Variants in ST3GAL6 observed in about 807,000 individuals in gnomAD.
The protein encoded by ST3GAL6 is type 2 lactosamine alpha-2,3-sialyltransferase.
In ST3GAL6, 31 loss-of-function variants were observed where a neutral mutation model predicts 40.5. The observed-to-expected ratio is 0.77, with a 90% CI of 0.58 to 1.03. The LOEUF (loss-of-function observed/expected upper bound fraction) is 1.03. ST3GAL6 is among the 50% of genes least tolerant of loss of function. The pLI is 0.00. For missense variants in ST3GAL6, 357 were observed against 393.2 expected, an observed-to-expected ratio of 0.91 and a Z score of 0.78; for synonymous variants, 129 against 136.9, an observed-to-expected ratio of 0.94 and a Z score of 0.40.
intron 6 of ST3GAL6, among the ~76,000 whole-genome samples, chr3:98,786,348 C>G (rs535927912): frequency 6.6e-6 from 1 of 152,062 alleles, no homozygotes; most frequent in Non-Finnish European, 1.5e-5. Context: ...AGAAGAAAAT[C>G]GGGAGAAGGT....
intron 2 of ST3GAL6, among the ~76,000 whole-genome samples, chr3:98,769,253 C>T (rs1938707068): frequency 6.6e-6 from 1 of 152,182 alleles, no homozygotes; most frequent in Non-Finnish European, 1.5e-5. Context: ...GCTGATGCTT[C>T]TGCATTTGAT....
chr3:98,763,118 A>T (rs1937962848), upstream of ST3GAL6: 1 of 985,358 alleles, frequency 1.0e-6, no homozygotes, highest in Non-Finnish European at 1.2e-6. Flanking sequence ...TCATATGGAG[A>T]TGGCTGGGTC....
chr3:98,759,350 G>A (rs141949768), upstream of ST3GAL6, among the ~76,000 whole-genome samples: 103 of 152,286 alleles, frequency 6.8e-4, no homozygotes, highest in African/African-American at 2.4e-3. Context: ...GAGGAGGGAG[G>A]CCGTGTAGTG....
intron 5 of ST3GAL6, among the ~76,000 whole-genome samples, chr3:98,776,391 A>G (rs772427677): frequency 2.0e-5 from 3 of 152,208 alleles, no homozygotes; most frequent in Non-Finnish European, 2.9e-5. Flanking sequence ...TCTAGAAGAA[A>G]GATGTCTGAG....
chr3:98,780,461 A>C (rs1189600033), intron 5 of ST3GAL6, among the ~76,000 whole-genome samples: 1 of 152,164 alleles, frequency 6.6e-6, no homozygotes, highest in Non-Finnish European at 1.5e-5. Flanking sequence ...TTTGTCCCCT[A>C]TAAGCTGACA....
At position 98,772,842 on chromosome 3, in the gene ST3GAL6, C is replaced by T. The variant is rs755446486; in HGVS notation, c.197C>T (p.Ala66Val). ...CATCAGTTTCACCCTTTTCTGTGTGCGGCTGATTTTAGAAAGATTGCTTCC... is the reference window on the plus strand; with the variant it reads ...CATCAGTTTCACCCTTTTCTGTGTGTGGCTGATTTTAGAAAGATTGCTTCC... ...RFHQFHPFLC[A>V]ADFRKIASLY... The change falls in exon 4 of 10, where the codon GCG becomes GTG. Residue 66 changes from alanine (A) to valine (V), a missense_variant. Ala to Val is a moderately conservative substitution (Grantham distance 64, BLOSUM62 0). Coordinates refer to ENST00000483910, the MANE Select transcript of ST3GAL6 (RefSeq NM_001323368.2). 26 of 1,612,950 alleles carry T rather than the reference C, an allele frequency of 1.6e-5. No individual in the cohort carries two copies. Among genetic ancestry groups the T allele is most frequent in the African/African-American group, 5.3e-5 (4 of 74,840 alleles).
At chr3:98,763,537 G>A (rs1049774816) in intron 1 of ST3GAL6, 98 bp downstream of exon 1, 15 of 1,117,848 alleles carry the variant, frequency 1.3e-5, no homozygotes, top group Admixed American at 7.2e-5. Context: ...AGGCTGTGTG[G>A]AGGTAGAAGG....
At chr3:98,759,478 C>T (rs1032128305), upstream of ST3GAL6, among the ~76,000 whole-genome samples, 4 of 152,096 alleles carry the variant, frequency 2.6e-5, no homozygotes, top group African/African-American at 7.2e-5. Context: ...GACTTTTTTA[C>T]TCATGAAATA....
chr3:98,737,266 G>A (rs567971743), intron 1 of ST3GAL6, among the ~76,000 whole-genome samples: 1 of 152,174 alleles, frequency 6.6e-6, no homozygotes, highest in South Asian at 2.1e-4. Flanking sequence ...GGCCAAGCTG[G>A]TCTTGAACTC....
chr3:98,754,134 GA>G (rs1031164002), intron 1 of ST3GAL6, among the ~76,000 whole-genome samples: 1 of 152,170 alleles, frequency 6.6e-6, no homozygotes, highest in African/African-American at 2.4e-5. Context: ...CATAGATAGT[GA>G]CCCCTCTGAT....
chr3:98,771,056 G>A (rs1392142439), intron 3 of ST3GAL6, 100 bp downstream of exon 3: 2 of 1,498,164 alleles, frequency 1.3e-6, no homozygotes, highest in Non-Finnish European at 1.8e-6. Flanking sequence ...AATCTTAGCA[G>A]TATAAAGTGG....
At chr3:98,775,470 G>A (rs1346597828) in intron 5 of ST3GAL6, among the ~76,000 whole-genome samples, 2 of 107,790 alleles carry the variant, frequency 1.9e-5, no homozygotes, top group African/African-American at 6.7e-5. Context: ...GCAAGACTTC[G>A]TCTCAAAAAA....
At chr3:98,739,112 C>G (rs918248074) in intron 1 of ST3GAL6, among the ~76,000 whole-genome samples, 26 of 152,092 alleles carry the variant, frequency 1.7e-4, no homozygotes, top group Non-Finnish European at 3.5e-4. Context: ...TTTTGGAAAA[C>G]AGTGAAATTA....
At chr3:98,769,147 A>T (rs1472070451) in intron 2 of ST3GAL6, among the ~76,000 whole-genome samples, 14 of 152,138 alleles carry the variant, frequency 9.2e-5, no homozygotes. Flanking sequence ...AAATCACATA[A>T]CTTCCTGTCT....
Position 98,782,961 on chromosome 3 carries a change from C to T in ST3GAL6, c.336-1984C>T, listed in dbSNP as rs78539226. The T allele has an allele frequency of 5.2e-3, 1,726 of 334,956 alleles. 25 individuals are homozygous for T. The highest frequency in any genetic ancestry group is 0.036 in the African/African-American group (1,601 of 44,740). 20.7% of individuals were successfully genotyped at this position (334,956 alleles called of 1,614,324 possible). ...TCAGTGGCTGCATCAATTGGAAATG[C>T]TCAGAAGGTGCCCATGTGTGACAAA... On this transcript the variant is annotated intron_variant, in intron 5 of 9. Transcript: ENST00000483910.
Position 98,742,074 on chromosome 3 carries a change from T to G in ST3GAL6, c.-12+9542T>G, listed in dbSNP as rs557943070. Among the ~76,000 whole-genome samples the G allele has an allele frequency of 5.9e-5, 9 of 152,282 alleles. No homozygotes were observed. In the East Asian group the frequency reaches 1.7e-3, roughly 29 times the overall value. On this transcript the variant is annotated intron_variant, in intron 1 of 9. Coordinates refer to the ST3GAL6 transcript ENST00000265261. Reference sequence around the variant, plus strand: ...AGCCAAGTGCTTTCTATTCACAGCTTCATTTTACACAATTATGTGTATGAC... The same window carrying G: ...AGCCAAGTGCTTTCTATTCACAGCTGCATTTTACACAATTATGTGTATGAC...
At chr3:98,786,276 T>C (rs1326299235) in intron 6 of ST3GAL6, among the ~76,000 whole-genome samples, 1 of 151,824 alleles carries the variant, frequency 6.6e-6, no homozygotes, top group East Asian at 1.9e-4. Flanking sequence ...ACTCAAAATT[T>C]AGAGGTTGAG....
chr3:98,736,282 A>C (rs1935537812), intron 1 of ST3GAL6, among the ~76,000 whole-genome samples: 1 of 152,166 alleles, frequency 6.6e-6, no homozygotes, highest in Non-Finnish European at 1.5e-5. Context: ...TCCCCTTCTT[A>C]TATGCTTAGC....
chr3:98,744,704 G>A (rs1313481907), intron 1 of ST3GAL6, among the ~76,000 whole-genome samples: 1 of 151,844 alleles, frequency 6.6e-6, no homozygotes, highest in Admixed American at 6.6e-5. Context: ...CCACACCTCT[G>A]GTGTCCAGTT....
Sources: gnomAD v4.1 joint callset for allele counts (sites outside exome capture counted in the v4.1 genomes callset) on GRCh38, gnomAD v4.1.1 for gene constraint, MANE v1.5 for transcripts, NCBI Gene and HGNC (gene_info 2026-07-23, HGNC 2026-07-21) for gene names.